Variants in PCDHA2 observed in about 807,000 individuals in gnomAD.
The protein encoded by PCDHA2 is protocadherin alpha 2.
Under a neutral mutation model 66.0 loss-of-function variants are expected in PCDHA2, and 58 were observed. That is an observed-to-expected ratio of 0.88 (90% CI 0.71 to 1.09). The LOEUF (loss-of-function observed/expected upper bound fraction) is 1.09, where lower values mean the gene tolerates loss of function less well. PCDHA2 is among the 50% of genes least tolerant of loss of function. The pLI, the probability that PCDHA2 is intolerant of heterozygous loss-of-function variation, is 0.00. For synonymous variants in PCDHA2, 634 were observed against 554.0 expected (o/e 1.14, Z -2.03); for missense variants, 1,267 against 1,242.3 (o/e 1.02, Z -0.30).
At chr5:140,938,125 A>G (rs1339364898) in intron 1 of PCDHA2, among the ~76,000 whole-genome samples, 1 of 152,120 alleles carries the variant, frequency 6.6e-6, no homozygotes, top group Admixed American at 6.5e-5. Context: ...TTTTTTAAAA[A>G]AATAGAGATA....
At chr5:140,802,675 C>T (rs373853046) in intron 1 of PCDHA2, 94 of 1,613,378 alleles carry the variant, frequency 5.8e-5, no homozygotes, top group African/African-American at 5.1e-4. Context: ...GTGTCCTACT[C>T]GCTGGTGGAA....
chr5:140,819,115 T>C (rs1766493901), intron 1 of PCDHA2, among the ~76,000 whole-genome samples: 1 of 152,216 alleles, frequency 6.6e-6, no homozygotes, highest in Non-Finnish European at 1.5e-5. Flanking sequence ...TGGTATCCTT[T>C]CTTACTATCC....
In PCDHA2 at chr5:141,011,945, A is replaced by G. The variant is rs1588262929; in HGVS notation, c.*2008A>G. On this transcript the variant is annotated 3_prime_UTR_variant, in exon 4 of 4. Transcript: ENST00000526136. ...AGGTAGGAGTCTGTTATTTAAAAAAAGCATTAAATTTAAAAAAAAACTGTC... is the reference window on the plus strand; with the variant it reads ...AGGTAGGAGTCTGTTATTTAAAAAAGGCATTAAATTTAAAAAAAAACTGTC... 6.5e-6 allele frequency: 1 copy of G among 153,752 alleles called. No individual in the cohort carries two copies. The highest frequency in any genetic ancestry group is 1.5e-5 in the Non-Finnish European group (1 of 68,044). The allele number at this position is 153,752 out of a possible 1,614,324, so 9.5% of individuals were successfully genotyped here. A position where few individuals can be genotyped will look rare whatever the true frequency, so the allele number is the denominator to read the frequency against.
intron 1 of PCDHA2, chr5:140,834,770 C>A (rs2150226024): frequency 6.8e-6 from 11 of 1,613,922 alleles, no homozygotes; most frequent in Middle Eastern, 3.3e-4. Context: ...TTAACGACAA[C>A]CCTCCGGTGT....
chr5:140,969,549 C>G (rs1213967618), intron 1 of PCDHA2: 33 of 1,238,058 alleles, frequency 2.7e-5, no homozygotes, highest in Non-Finnish European at 3.4e-5. Flanking sequence ...AGGCATGAAG[C>G]CTTGTCCATA....
intron 1 of PCDHA2, among the ~76,000 whole-genome samples, chr5:140,800,127 T>A (rs1287051587): frequency 2.0e-5 from 3 of 152,146 alleles, no homozygotes; most frequent in African/African-American, 7.2e-5. Context: ...TTACTTTATA[T>A]TGTTAACATT....
chr5:140,825,137 A>T (rs1027495465), intron 1 of PCDHA2: 3 of 151,772 alleles, frequency 2.0e-5, no homozygotes, highest in African/African-American at 4.8e-5. Context: ...TAAAAAACAT[A>T]TGAGTATTGA....
intron 1 of PCDHA2, chr5:140,858,337 C>G (rs782748390): frequency 6.3e-7 from 1 of 1,595,568 alleles, no homozygotes; most frequent in Admixed American, 1.7e-5. Context: ...AGGGCCTGCC[C>G]AAGGCGGACC....
chr5:140,866,006 A>AT (rs879985909), intron 1 of PCDHA2: 11 of 151,858 alleles, frequency 7.2e-5, no homozygotes, highest in East Asian at 1.9e-4. Context: ...ATGTTAAGTG[A>AT]TTTTTTTCTT....
intron 1 of PCDHA2, chr5:140,930,423 A>C (rs1366004853): frequency 6.6e-6 from 1 of 151,862 alleles, no homozygotes; most frequent in Non-Finnish European, 1.5e-5. Flanking sequence ...GGGTCTCACT[A>C]TGTTGCCCAG....
At chr5:140,870,990 G>A (rs781832962) in intron 1 of PCDHA2, 2 of 1,613,518 alleles carry the variant, frequency 1.2e-6, no homozygotes, top group South Asian at 1.1e-5. Context: ...ACACGGGCGA[G>A]ATAAGCACAA....
intron 1 of PCDHA2, chr5:140,883,064 G>A (rs2059422329): frequency 1.2e-6 from 2 of 1,614,096 alleles, no homozygotes; most frequent in Non-Finnish European, 1.7e-6. Context: ...CAAGCTAAAT[G>A]CCACAGATCC....
chr5:140,842,159 T>A (rs2150330749), intron 1 of PCDHA2: 1 of 1,613,882 alleles, frequency 6.2e-7, no homozygotes, highest in South Asian at 1.1e-5. Context: ...AATTTCATAT[T>A]CTTTTAATAG....
At chr5:140,923,364 A>C (rs1414879540) in intron 1 of PCDHA2, among the ~76,000 whole-genome samples, 1 of 152,106 alleles carries the variant, frequency 6.6e-6, no homozygotes, top group African/African-American at 2.4e-5. Flanking sequence ...TATCTTTATA[A>C]AATATTTTTA....
chr5:140,853,498 C>T (rs983966911), intron 1 of PCDHA2: 1 of 976,590 alleles, frequency 1.0e-6, no homozygotes, highest in African/African-American at 1.8e-5. Flanking sequence ...AAGTTAGAAT[C>T]ATGAAACAAT....
chr5:140,845,861 C>T (rs1050084373), intron 1 of PCDHA2, among the ~76,000 whole-genome samples: 4 of 149,638 alleles, frequency 2.7e-5, no homozygotes, highest in Middle Eastern at 3.5e-3. Context: ...TTAGTGATTG[C>T]AGAAAGGCAA....
chr5:141,010,025 A>G lies in PCDHA2; in HGVS notation c.*88A>G. The G allele has an allele frequency of 6.4e-7, 1 of 1,573,940 alleles. No homozygotes were observed. The highest frequency in any genetic ancestry group is 2.2e-5 in the East Asian group (1 of 44,636). ...TAGCAATTCCCTGCTCCTTTTTCCT[A>G]TCTACATGAGCCCTCTTAGAGACCT... On this transcript the variant is annotated 3_prime_UTR_variant, in exon 4 of 4. Transcript: ENST00000526136.
intron 2 of PCDHA2, among the ~76,000 whole-genome samples, chr5:140,980,920 A>T (rs1040099192): frequency 1.3e-5 from 2 of 152,166 alleles, no homozygotes; most frequent in African/African-American, 4.8e-5. Context: ...TCTTTAAAAA[A>T]TTCTGCTTTG....
At chr5:140,875,028 G>A (rs1321534427) in intron 1 of PCDHA2, among the ~76,000 whole-genome samples, 1 of 152,198 alleles carries the variant, frequency 6.6e-6, no homozygotes, top group Admixed American at 6.5e-5. Flanking sequence ...CTGGCCTACT[G>A]TATTTGAAAG....
Sources: allele counts gnomAD v4.1 joint callset (sites outside exome capture counted in the v4.1 genomes callset), GRCh38; gene constraint gnomAD v4.1.1; transcripts MANE v1.5; gene names NCBI Gene and HGNC (gene_info 2026-07-23, HGNC 2026-07-21).